The following FOXO3 variants were observed in gnomAD, a reference collection of about 807,000 sequenced individuals.
FOXO3 encodes the protein forkhead box O3.
A neutral mutation model predicts 41.9 loss-of-function variants in FOXO3; 4 were observed. The ratio of observed to expected loss-of-function variants is 0.10; its 90% confidence interval spans 0.05 to 0.22. FOXO3 has a LOEUF of 0.22. FOXO3 is among the 10% of genes least tolerant of loss of function. FOXO3 has a pLI of 1.00. For synonymous variants in FOXO3, 318 were observed against 389.3 expected (o/e 0.82, Z 2.16); for missense variants, 534 against 906.8 (o/e 0.59, Z 5.28).
At chr6:108,567,096 T>C (rs1036510793) in intron 1 of FOXO3, among the ~76,000 whole-genome samples, 1 of 152,234 alleles carries the variant, frequency 6.6e-6, no homozygotes, top group Non-Finnish European at 1.5e-5. Flanking sequence ...CTATAGCATA[T>C]CTGTGCTTTG....
intron 1 of FOXO3, among the ~76,000 whole-genome samples, chr6:108,614,367 A>G (rs954897667): frequency 6.6e-6 from 1 of 152,152 alleles, no homozygotes; most frequent in Non-Finnish European, 1.5e-5. Context: ...AAAAATAATA[A>G]TTGTATACTG....
intron 1 of FOXO3, among the ~76,000 whole-genome samples, chr6:108,588,522 A>G (rs915364332): frequency 1.3e-5 from 2 of 152,228 alleles, no homozygotes; most frequent in African/African-American, 4.8e-5. Context: ...AAAGTGAGAT[A>G]TGCGTGCAGA....
intron 1 of FOXO3, among the ~76,000 whole-genome samples, chr6:108,643,200 T>A (rs1209018499): frequency 1.3e-5 from 2 of 152,056 alleles, no homozygotes; most frequent in Non-Finnish European, 2.9e-5. Flanking sequence ...CATTTTTAGT[T>A]CATTCTTGTA....
At chr6:108,598,631 T>C (rs1776958867) in intron 1 of FOXO3, among the ~76,000 whole-genome samples, 2 of 152,030 alleles carry the variant, frequency 1.3e-5, no homozygotes, top group African/African-American at 4.8e-5. Flanking sequence ...ACAGATTTTG[T>C]TGTGGGGAGG....
At chr6:108,569,539 A>G (rs1003409622) in intron 1 of FOXO3, among the ~76,000 whole-genome samples, 1 of 152,178 alleles carries the variant, frequency 6.6e-6, no homozygotes, top group African/African-American at 2.4e-5. Context: ...TGAGGTTTTA[A>G]TCTTGAGACT....
At position 108,643,904 on chromosome 6, in the gene FOXO3, T is replaced by C. The variant is rs184415518; in HGVS notation, c.622-19551T>C. Among the ~76,000 whole-genome samples, 319 of 152,330 alleles carry C rather than the reference T, an allele frequency of 2.1e-3. 1 individual carries two copies. Among genetic ancestry groups the C allele is most frequent in the South Asian group, 8.3e-3 (40 of 4,832 alleles). ...TAGTGGAGAAGCAAGTGGGAACTTATCAAAATCTGTATTCTAGAATGTACC... is the reference window on the plus strand; with the variant it reads ...TAGTGGAGAAGCAAGTGGGAACTTACCAAAATCTGTATTCTAGAATGTACC... On this transcript the variant is annotated intron_variant, in intron 1 of 2. Coordinates refer to ENST00000406360, the MANE Select transcript of FOXO3 (RefSeq NM_001455.4).
intron 1 of FOXO3, among the ~76,000 whole-genome samples, chr6:108,650,032 G>C (rs1417664423): frequency 6.6e-6 from 1 of 152,082 alleles, no homozygotes; most frequent in Non-Finnish European, 1.5e-5. Flanking sequence ...GTTCCCATTA[G>C]CAAATGAAAA....
chr6:108,574,169 AAAAG>A (rs1358101982), intron 1 of FOXO3, among the ~76,000 whole-genome samples: 1 of 151,730 alleles, frequency 6.6e-6, no homozygotes, highest in Non-Finnish European at 1.5e-5. Flanking sequence ...AAAAAAAAAA[AAAAG>A]AAGAATTAGC....
At chr6:108,560,510 G>T (rs1009003315), upstream of FOXO3, among the ~76,000 whole-genome samples, 1 of 152,190 alleles carries the variant, frequency 6.6e-6, no homozygotes, top group Non-Finnish European at 1.5e-5. Context: ...GCCCGCGGGC[G>T]AAGAGGGGAG....
intron 1 of FOXO3, among the ~76,000 whole-genome samples, chr6:108,662,107 C>T (rs1191505485): frequency 6.6e-6 from 1 of 152,108 alleles, no homozygotes; most frequent in Non-Finnish European, 1.5e-5. Context: ...TTACCTTTAG[C>T]CGTCATATCT....
At chr6:108,657,154 A>G (rs1044224651) in intron 1 of FOXO3, among the ~76,000 whole-genome samples, 1 of 152,234 alleles carries the variant, frequency 6.6e-6, no homozygotes, top group African/African-American at 2.4e-5. Flanking sequence ...GAGAAGATGG[A>G]CATAAAAATG....
intron 1 of FOXO3, among the ~76,000 whole-genome samples, chr6:108,619,101 G>T (rs1777598467): frequency 6.6e-6 from 1 of 152,128 alleles, no homozygotes; most frequent in Non-Finnish European, 1.5e-5. Context: ...TTTTCTAGTT[G>T]TTCCTCTATC....
rs1314273954 is a variant in FOXO3 at position 108,673,792 on chromosome 6, AAGAGTCATAC to A, written c.*35-6032_*35-6023del. On this transcript the variant is annotated intron_variant, in intron 2 of 2. Transcript: ENST00000406360. ...TACACACACCCCAGTAAATGCAGTG[AAGAGTCATAC>A]AGGATAGGGTCACACCCAGCAAACA... Among the ~76,000 whole-genome samples the A allele has an allele frequency of 3.9e-5, 6 of 152,274 alleles. No individual in the cohort carries two copies. The East Asian group carries it at 1.2e-3, about 29-fold the overall frequency.
At chr6:108,649,847 C>T (rs936053280) in intron 1 of FOXO3, among the ~76,000 whole-genome samples, 6 of 152,036 alleles carry the variant, frequency 3.9e-5, no homozygotes, top group East Asian at 1.9e-4. Context: ...TGTTACTTGA[C>T]GTTTGTTGTG....
intron 1 of FOXO3, among the ~76,000 whole-genome samples, chr6:108,604,744 GT>G (rs1334896380): frequency 2.0e-5 from 3 of 151,862 alleles, no homozygotes; most frequent in Non-Finnish European, 2.9e-5. Context: ...TTGCTTTTCA[GT>G]TTGTTTGGTT....
intron 1 of FOXO3, among the ~76,000 whole-genome samples, chr6:108,600,508 C>T (rs1006594163): frequency 1.3e-4 from 17 of 127,252 alleles, no homozygotes; most frequent in African/African-American, 5.1e-4. Context: ...GATTGTGCCA[C>T]TGCACTCCAG....
At chr6:108,628,172 C>G (rs1224868866) in intron 1 of FOXO3, among the ~76,000 whole-genome samples, 4 of 152,186 alleles carry the variant, frequency 2.6e-5, no homozygotes, top group African/African-American at 7.2e-5. Context: ...TCATTTAATA[C>G]TTACCCATTG....
rs200479640 is a variant in FOXO3 at position 108,561,865 on chromosome 6, C to G, written c.621+36C>G. 64 of 1,505,268 alleles carry G rather than the reference C, an allele frequency of 4.3e-5. 1 individual carries two copies. The Admixed American group carries it at 1.2e-3, about 29-fold the overall frequency. 93.2% of individuals were successfully genotyped at this position (1,505,268 alleles called of 1,614,324 possible). On this transcript the variant is annotated intron_variant, in intron 1 of 2. Coordinates refer to ENST00000406360, the MANE Select transcript of FOXO3 (RefSeq NM_001455.4). ...ACCCCGGGCTGGCAGCAGGACCCGC[C>G]GGGCCTCCTGCGCAGCGCGAGACGC... is the stretch of plus-strand genomic sequence containing the variant.
At chr6:108,581,054 C>G (rs1172417360) in intron 1 of FOXO3, among the ~76,000 whole-genome samples, 1 of 152,218 alleles carries the variant, frequency 6.6e-6, no homozygotes, top group Non-Finnish European at 1.5e-5. Context: ...TGCTTTCTCT[C>G]CCTGCCCCTG....
Sources: gnomAD v4.1 joint callset for allele counts (sites outside exome capture counted in the v4.1 genomes callset) on GRCh38, gnomAD v4.1.1 for gene constraint, MANE v1.5 for transcripts, NCBI Gene and HGNC (gene_info 2026-07-23, HGNC 2026-07-21) for gene names.